Variants in ESPL1 observed in about 807,000 individuals in gnomAD.
ESPL1 encodes the protein separin.
Under a neutral mutation model 217.2 loss-of-function variants are expected in ESPL1, and 50 were observed. The ratio of observed to expected loss-of-function variants is 0.23; its 90% CI spans 0.18 to 0.29. The LOEUF (loss-of-function observed/expected upper bound fraction) is 0.29. Among genes scored for constraint, ESPL1 ranks in the 10% least tolerant of loss-of-function variants. The pLI, the probability that ESPL1 is intolerant of heterozygous loss-of-function variation, is 1.00. For synonymous variants in ESPL1, 994 were observed against 1,081.3 expected, an observed-to-expected ratio of 0.92 and a Z score of 1.58; for missense variants, 1,834 against 2,603.0, an observed-to-expected ratio of 0.70 and a Z score of 6.43.
intron 11 of ESPL1, 57 bp from the exon 12 acceptor site, chr12:53,279,675 G>T: frequency 6.2e-7 from 1 of 1,610,622 alleles, no homozygotes; most frequent in Non-Finnish European, 8.5e-7. Flanking sequence ...GGGAGCAGAG[G>T]GTAGAAATAG....
In ESPL1 at chr12:53,270,744, G is replaced by A. The variant is rs777062092; in HGVS notation, c.1315G>A (p.Glu439Lys). 7.4e-6 allele frequency: 12 copies of A among 1,614,168 alleles called. No individual in the cohort carries two copies. In the South Asian group the frequency reaches 1.1e-4, roughly 15 times the overall value. The change falls in exon 5 of 31, where the codon GAG becomes AAG. Residue 439 changes from glutamate (E) to lysine (K), a missense_variant. Glu to Lys is a moderately conservative substitution (Grantham distance 56). Coordinates refer to ENST00000257934, the MANE Select transcript of ESPL1 (RefSeq NM_012291.5). ...TAAATCTACCGTTGTCTGGATGCTG[G>A]AGGCCTTAGAGGGCCTGTCGGGCCA... ...SCKSTVVWMLEALEGLSGQEL... is the reference protein window; with the variant it reads ...SCKSTVVWMLKALEGLSGQEL...
Position 53,288,585 on chromosome 12 carries a change from G to C in ESPL1, c.4594G>C (p.Glu1532Gln). 1.9e-6 allele frequency: 3 copies of C among 1,613,818 alleles called. No homozygotes were observed. Among genetic ancestry groups the C allele is most frequent in the Non-Finnish European group, 2.5e-6 (3 of 1,180,010 alleles). ...PGPEAASGEW[E>Q]LLRLDSSKKK... ...CCCTGAGGCAGCTTCTGGAGAATGG[G>C]AGCTGCTGAGGCTGGATTCCAGCAA... The change falls in exon 20 of 31, where the codon GAG becomes CAG. Residue 1532 changes from glutamate to glutamine, a missense_variant. Glu to Gln is a conservative substitution (Grantham distance 29). Transcript: ENST00000257934.
In ESPL1 at chr12:53,285,924, A is replaced by G. The variant is rs1446329625; in HGVS notation, c.3188A>G (p.Glu1063Gly). 3.3e-6 allele frequency: 5 copies of G among 1,514,756 alleles called. No individual in the cohort carries two copies. Among genetic ancestry groups the G allele is most frequent in the Non-Finnish European group, 4.4e-6 (5 of 1,129,528 alleles). 93.8% of individuals were successfully genotyped at this position (1,514,756 alleles called of 1,614,324 possible). ...AATTCTTGTTCTGCCTTCTCCCCAG[A>G]GTTTGGTGGGGTGACTCAGCACCTG... is the stretch of plus-strand genomic sequence containing the variant. ...QVLFLLESCT[E>G]FGGVTQHLDS... The change falls in exon 18 of 31, where the codon GAG (glutamate) becomes GGG (glycine). Residue 1063 changes from glutamate to glycine, a missense_variant and splice_region_variant. By Grantham distance (98) the Glu-to-Gly change is moderately conservative. Transcript: ENST00000257934.
chr12:53,273,947 C>T (rs1324320125), intron 6 of ESPL1: 1 of 132,884 alleles, frequency 7.5e-6, no homozygotes, highest in Non-Finnish European at 1.6e-5. Flanking sequence ...CCTCCACCTC[C>T]TGGGTTCAAG....
rs1943896920 is a variant in ESPL1 at position 53,283,441 on chromosome 12, C to T, written c.2980C>T (p.Leu994=). The change falls in exon 16 of 31, where the codon CTG becomes TTG. Residue 994 remains leucine (L), a synonymous_variant. Coordinates refer to ENST00000257934, the MANE Select transcript of ESPL1 (RefSeq NM_012291.5). The part of the protein sequence containing the change: ...LSEVLSCSEK[L]VCHLGRLGSV... ...AGAGGTGCTGAGCTGCTCAGAGAAGCTGGTCTGCCACCTGGGCCGCCTGGG... is the reference window on the plus strand; with the variant it reads ...AGAGGTGCTGAGCTGCTCAGAGAAGTTGGTCTGCCACCTGGGCCGCCTGGG... The T allele has an allele frequency of 6.2e-7, 1 of 1,614,130 alleles. No homozygotes were observed. The highest frequency in any genetic ancestry group is 1.3e-5 in the African/African-American group (1 of 75,058).
chr12:53,283,341 A>G, intron 15 of ESPL1, 41 bp from the exon 16 acceptor site: 11 of 1,613,018 alleles, frequency 6.8e-6, no homozygotes, highest in Non-Finnish European at 9.3e-6. Context: ...GAGGATCCAC[A>G]CTGTGGCTGA....
In ESPL1 at chr12:53,268,789, A is replaced by G; in HGVS notation, c.23A>G (p.Asn8Ser). 8.1e-6 allele frequency: 13 copies of G among 1,612,276 alleles called. No individual in the cohort carries two copies. The highest frequency in any genetic ancestry group is 1.1e-5 in the Non-Finnish European group (13 of 1,179,354). Residue 8 changes from asparagine to serine, a missense_variant, in exon 2 of 31, where the codon AAC becomes AGC. Physicochemically the swap from Asn to Ser is conservative, Grantham distance 46. Transcript: ENST00000257934. Reference sequence around the variant, plus strand: ...GTCATGAGGAGCTTCAAAAGAGTCAACTTTGGGACTCTGCTAAGCAGCCAG... The same window carrying G: ...GTCATGAGGAGCTTCAAAAGAGTCAGCTTTGGGACTCTGCTAAGCAGCCAG... MRSFKRV[N>S]FGTLLSSQKE...
In ESPL1 at chr12:53,286,113, C is replaced by G. The variant is rs1943942944; in HGVS notation, c.3377C>G (p.Ser1126Cys). The change falls in exon 18 of 31, where the codon TCC becomes TGC. Residue 1126 changes from serine to cysteine, a missense_variant. By Grantham distance (112) the Ser-to-Cys change is moderately radical. Around this residue, in one of 5 missense-constraint regions of ESPL1, gnomAD observed 681 missense variants for 808.0 expected, o/e 0.84. Transcript: ENST00000257934. This position sits in a 1 kb window ranked among gnomAD's most constrained non-coding sequence, Gnocchi z 5.3. ...PGPIAPSTNS[S>C]PVLKTKPQPI... is the part of the protein sequence containing the mutation. ...CCCATAGCACCTTCTACAAACTCCT[C>G]CCCAGTCTTGAAAACCAAGCCCCAG... 6.2e-7 allele frequency: 1 copy of G among 1,613,720 alleles called. No homozygotes were observed. Among genetic ancestry groups the G allele is most frequent in the African/African-American group, 1.3e-5 (1 of 74,924 alleles).
chr12:53,276,570 G>T (rs1454853579), intron 7 of ESPL1, 50 bp from the exon 8 acceptor site: 2 of 1,527,146 alleles, frequency 1.3e-6, no homozygotes, highest in Middle Eastern at 2.3e-4. Flanking sequence ...GGTAGCAGAG[G>T]CTTTATGCCT....
chr12:53,291,547 C>A (rs533472477), intron 25 of ESPL1, 143 bp from the exon 26 acceptor site: 3 of 830,780 alleles, frequency 3.6e-6, no homozygotes, highest in African/African-American at 3.5e-5. Context: ...GCTGAGATTG[C>A]GCCACTGCAC....
Position 53,290,872 on chromosome 12 carries a change from T to C in ESPL1, c.5396T>C (p.Leu1799Pro). 1 of 1,609,886 alleles carries C rather than the reference T, an allele frequency of 6.2e-7. No individual in the cohort carries two copies. Among genetic ancestry groups the C allele is most frequent in the Non-Finnish European group, 8.5e-7 (1 of 1,178,390 alleles). The change falls in exon 25 of 31, where the codon CTG becomes CCG. Residue 1799 changes from leucine (L) to proline (P), a missense_variant. Transcript: ENST00000257934. ...VLIASLEKSVLGCWKGLLLPS... is the reference protein window; with the variant it reads ...VLIASLEKSVPGCWKGLLLPS... ...ATCGCTTCCCTAGAGAAGTCTGTGC[T>C]GGGCTGCTGGAAGGGGCTGCTGCTG...
intron 9 of ESPL1, 98 bp downstream of exon 9, chr12:53,277,325 AT>A: frequency 6.7e-7 from 1 of 1,488,520 alleles, no homozygotes; most frequent in Non-Finnish European, 9.1e-7. Flanking sequence ...TTTGTTCGTT[AT>A]TTTTAGAGAT....
intron 16 of ESPL1, among the ~76,000 whole-genome samples, chr12:53,283,785 G>A (rs1943902938): frequency 6.6e-6 from 1 of 152,204 alleles, no homozygotes; most frequent in South Asian, 2.1e-4. Flanking sequence ...GAGATCTAGT[G>A]TACAGTGTTT....
rs1309872055 is a variant in ESPL1, at chr12:53,291,670, C to A, written c.5521-20C>A. On this transcript the variant is annotated intron_variant, in intron 25 of 30. Transcript: ENST00000257934. ...CTATCATGAATGAAGATGGTGCTCA[C>A]CACCACTGTTTCCCTGCAGATCATG... 1 of 1,609,326 alleles carries A rather than the reference C, an allele frequency of 6.2e-7. No homozygotes were observed. Among genetic ancestry groups the A allele is most frequent in the Non-Finnish European group, 8.5e-7 (1 of 1,177,722 alleles).
rs779644518 is a variant in ESPL1 at position 53,286,985 on chromosome 12, G to C, written c.4176+73G>C. 7 of 1,455,726 alleles carry C rather than the reference G, an allele frequency of 4.8e-6. No homozygotes were observed. The highest frequency in any genetic ancestry group is 6.5e-6 in the Non-Finnish European group (7 of 1,082,018). 90.2% of individuals were successfully genotyped at this position (1,455,726 alleles called of 1,614,324 possible). A position where few individuals can be genotyped will look rare whatever the true frequency, so the allele number is the denominator to read the frequency against. ...TAGTCCTGGAGGAGAGTGTTTTATA[G>C]AGCAGGTGTCCCTGTGGAATAGCTC... On this transcript the variant is annotated intron_variant, in intron 18 of 30. Coordinates refer to ENST00000257934, the MANE Select transcript of ESPL1 (RefSeq NM_012291.5). This position sits in a 1 kb window ranked among gnomAD's most constrained non-coding sequence, Gnocchi z 5.3.
chr12:53,278,420 G>A (rs1388506268), intron 11 of ESPL1, among the ~76,000 whole-genome samples: 1 of 151,026 alleles, frequency 6.6e-6, no homozygotes, highest in Non-Finnish European at 1.5e-5. Flanking sequence ...AGGTTGCAGT[G>A]AGCCAAGATC....
chr12:53,282,479 G>A lies in ESPL1; in HGVS notation c.2791+44G>A. On this transcript the variant is annotated intron_variant, in intron 14 of 30. Coordinates refer to ENST00000257934, the MANE Select transcript of ESPL1 (RefSeq NM_012291.5). This position sits in a 1 kb window ranked among gnomAD's most constrained non-coding sequence, Gnocchi z 4.0. The stretch of plus-strand genomic sequence containing the variant: ...TGGCCCCCCTTGGATGACATGTATG[G>A]TCTGTCTGCTGTCAGCTCTTCTCAA... 6.4e-7 allele frequency: 1 copy of A among 1,572,654 alleles called. No homozygotes were observed. Among genetic ancestry groups the A allele is most frequent in the Non-Finnish European group, 8.7e-7 (1 of 1,145,442 alleles).
chr12:53,286,904 C>T lies in ESPL1; in HGVS notation c.4168C>T (p.Arg1390Cys), dbSNP rs149944800. 2.1e-5 allele frequency: 33 copies of T among 1,592,450 alleles called. No homozygotes were observed. Among genetic ancestry groups the T allele is most frequent in the Admixed American group, 8.9e-5 (5 of 56,228 alleles). ...APRVQQRVQT[R>C]LKVNFSDDSD... The stretch of plus-strand genomic sequence containing the variant: ...CAGGGTACAACAGAGAGTCCAGACG[C>T]GCCTCAAGGTGAGGTGGGACTGTTG... Residue 1390 changes from arginine to cysteine, a missense_variant, in exon 18 of 31, where the codon CGC (arginine) becomes TGC (cysteine). Transcript: ENST00000257934. This position sits in a 1 kb window ranked among gnomAD's most constrained non-coding sequence, Gnocchi z 5.3.
rs1431808844 is a variant in ESPL1 at position 53,292,364 on chromosome 12, A to T, written c.5883A>T (p.Thr1961=). The change falls in exon 28 of 31, where the codon ACA becomes ACT. Residue 1961 remains threonine, a synonymous_variant. Transcript: ENST00000257934. This position sits in a 1 kb window ranked among gnomAD's most constrained non-coding sequence, Gnocchi z 4.5. ...ACCCTCACAATAACCTGTCAAGCAC[A>T]GAGGAGCAATTTCGAGCCAATTTCA... The part of the protein sequence containing the change: ...VLNPHNNLSS[T]EEQFRANFSS... The T allele has an allele frequency of 1.2e-6, 2 of 1,613,912 alleles. No individual in the cohort carries two copies. The highest frequency in any genetic ancestry group is 2.7e-5 in the African/African-American group (2 of 74,918).
Sources: allele counts gnomAD v4.1 joint callset (sites outside exome capture counted in the v4.1 genomes callset), GRCh38; gene constraint gnomAD v4.1.1; regional missense constraint gnomAD v4.1.1; non-coding constraint Gnocchi (gnomAD v3.1); transcripts MANE v1.5; gene names NCBI Gene and HGNC (gene_info 2026-07-23, HGNC 2026-07-21).